Variants in ZNF184 observed in about 807,000 individuals in gnomAD.
ZNF184 encodes zinc finger protein 184.
ZNF184 carries 16 observed loss-of-function variants against 54.4 expected under a neutral mutation model. The observed-to-expected ratio is 0.29, with a 90% CI of 0.20 to 0.45. The LOEUF (loss-of-function observed/expected upper bound fraction) is 0.45. Among genes scored for constraint, ZNF184 ranks in the 20% least tolerant of loss-of-function variants. ZNF184 has a pLI of 1.00. For synonymous variants in ZNF184, 254 were observed against 295.3 expected, an observed-to-expected ratio of 0.86 and a Z score of 1.43; for missense variants, 681 against 888.2, an observed-to-expected ratio of 0.77 and a Z score of 2.97.
the ZNF184 span, among the ~76,000 whole-genome samples, chr6:27,417,022 T>A: frequency 6.6e-6 from 1 of 152,164 alleles, no homozygotes; most frequent in Non-Finnish European, 1.5e-5. Flanking sequence ...CTTTGTCTTC[T>A]CATTTGCCTA....
the ZNF184 span, among the ~76,000 whole-genome samples, chr6:27,424,266 T>C: frequency 6.6e-6 from 1 of 152,184 alleles, no homozygotes; most frequent in Admixed American, 6.5e-5. Context: ...TGTGATGACT[T>C]TTACAGCTCA....
chr6:27,460,293 T>G (rs577813679), intron 3 of ZNF184, among the ~76,000 whole-genome samples: 9 of 152,382 alleles, frequency 5.9e-5, no homozygotes, highest in African/African-American at 2.2e-4. Flanking sequence ...TTTTTATTGC[T>G]ATGTATTTAA....
At chr6:27,463,235 C>T (rs1270257162) in intron 3 of ZNF184, among the ~76,000 whole-genome samples, 1 of 149,518 alleles carries the variant, frequency 6.7e-6, no homozygotes, top group Non-Finnish European at 1.5e-5. Context: ...TGTAACAAAC[C>T]TGCACATTGT....
the ZNF184 span, among the ~76,000 whole-genome samples, chr6:27,422,247 C>A: frequency 3.4e-5 from 5 of 146,610 alleles, no homozygotes; most frequent in African/African-American, 7.6e-5. Flanking sequence ...ACCACACTGG[C>A]ACATACAGCA....
In ZNF184 at chr6:27,452,114, G is replaced by A; in HGVS notation, c.1445C>T (p.Ala482Val). 1.2e-6 allele frequency: 2 copies of A among 1,614,046 alleles called. No homozygotes were observed. The highest frequency in any genetic ancestry group is 1.6e-4 in the Middle Eastern group (1 of 6,062). ...AGTAAGGGATGAGCAGTAACTGAAGGCCTTTCCACATTCATTGCATTTGTA... is the reference window on the plus strand; with the variant it reads ...AGTAAGGGATGAGCAGTAACTGAAGACCTTTCCACATTCATTGCATTTGTA... ...KPYKCNECGK[A>V]FSYCSSLTQH... Residue 482 changes from alanine (A) to valine (V), a missense_variant, in exon 6 of 6, where the codon GCC (alanine) becomes GTC (valine). Coordinates refer to ENST00000683788, the MANE Select transcript of ZNF184 (RefSeq NM_001318891.2). The surrounding 1 kb of genome is among the most constrained non-coding windows in gnomAD (Gnocchi z 5.5).
rs199834268 is a variant in ZNF184, at chr6:27,452,224, G to C, written c.1335C>G (p.Pro445=). ...QHQKTHTGEK[P]YDCAECGKSF... is the part of the protein sequence containing the mutation. ...ATTTTCCACATTCTGCACAATCATA[G>C]GGTTTCTCCCCAGTATGAGTTTTTT... The change falls in exon 6 of 6, where the codon CCC becomes CCG. Residue 445 remains proline (P), a synonymous_variant. Coordinates refer to ENST00000683788, the MANE Select transcript of ZNF184 (RefSeq NM_001318891.2). This position sits in a 1 kb window ranked among gnomAD's most constrained non-coding sequence, Gnocchi z 5.5. 9.9e-6 allele frequency: 16 copies of C among 1,613,928 alleles called. No individual in the cohort carries two copies. The highest frequency in any genetic ancestry group is 1.1e-5 in the Non-Finnish European group (13 of 1,180,008).
Position 27,451,502 on chromosome 6 carries a change from G to C in ZNF184, c.2057C>G (p.Thr686Ser), listed in dbSNP as rs1405009139. 1 of 1,614,142 alleles carries C rather than the reference G, an allele frequency of 6.2e-7. No individual in the cohort carries two copies. Among genetic ancestry groups the C allele is most frequent in the South Asian group, 1.1e-5 (1 of 91,078 alleles). ...DKAFSRSTHL[T>S]EHQNTHTGEK... ...TCCAGTATGAGTATTCTGATGTTCA[G>C]TCAGATGAGTGCTCCGGCTAAAGGC... The change falls in exon 6 of 6, where the codon ACT becomes AGT. Residue 686 changes from threonine to serine, a missense_variant. Transcript: ENST00000683788.
chr6:27,440,717 G>A, the ZNF184 span, among the ~76,000 whole-genome samples: 1 of 152,090 alleles, frequency 6.6e-6, no homozygotes, highest in African/African-American at 2.4e-5. Context: ...AAAAGAGAAG[G>A]TGCAGGCCGG....
Position 27,453,368 on chromosome 6 carries a change from T to C in ZNF184, c.299-108A>G, listed in dbSNP as rs944081799. ...AAATAAATCTCTCAGAAAATTCTAA[T>C]GGTTTTCAAATATATAGCCATATTA... On this transcript the variant is annotated intron_variant, in intron 5 of 5. Transcript: ENST00000683788. The surrounding 1 kb of genome is among the most constrained non-coding windows in gnomAD (Gnocchi z 4.7). 14 of 1,189,830 alleles carry C rather than the reference T, an allele frequency of 1.2e-5. No individual in the cohort carries two copies. The South Asian group carries it at 2.3e-4, about 19-fold the overall frequency. 73.7% of individuals were successfully genotyped at this position (1,189,830 alleles called of 1,614,324 possible). A position where few individuals can be genotyped will look rare whatever the true frequency, so the allele number is the denominator to read the frequency against.
the ZNF184 span, among the ~76,000 whole-genome samples, chr6:27,437,436 AGGAAGT>A: frequency 1.3e-5 from 2 of 152,206 alleles, no homozygotes; most frequent in African/African-American, 4.8e-5. Context: ...TTCAATTACA[AGGAAGT>A]GTATCCTGTC....
At chr6:27,439,435 C>T in the ZNF184 span, among the ~76,000 whole-genome samples, 1 of 152,230 alleles carries the variant, frequency 6.6e-6, no homozygotes, top group Non-Finnish European at 1.5e-5. Flanking sequence ...AGCACATCCA[C>T]GACATTGTCT....
At chr6:27,447,194 C>A (rs1272283590), downstream of ZNF184, among the ~76,000 whole-genome samples, 1 of 151,932 alleles carries the variant, frequency 6.6e-6, no homozygotes, top group Non-Finnish European at 1.5e-5. Context: ...CATACCTTGA[C>A]TACAACCCAC....
intron 3 of ZNF184, among the ~76,000 whole-genome samples, chr6:27,459,000 T>C (rs990378083): frequency 6.6e-6 from 1 of 152,170 alleles, no homozygotes; most frequent in Non-Finnish European, 1.5e-5. Context: ...AAATATCGCA[T>C]GTTCTCATTC....
chr6:27,467,991 T>C, intron 2 of ZNF184, 71 bp from the exon 3 acceptor site: 1 of 1,228,368 alleles, frequency 8.1e-7, no homozygotes, highest in Non-Finnish European at 1.1e-6. Flanking sequence ...TAAATTCCAT[T>C]TACTCTTCTA....
the ZNF184 span, among the ~76,000 whole-genome samples, chr6:27,416,036 G>A: frequency 6.6e-6 from 1 of 152,056 alleles, no homozygotes; most frequent in Non-Finnish European, 1.5e-5. Flanking sequence ...CATTCTCCCC[G>A]TATCTTCACA....
At chr6:27,407,318 C>A in the ZNF184 span, among the ~76,000 whole-genome samples, 9 of 152,214 alleles carry the variant, frequency 5.9e-5, no homozygotes, top group Admixed American at 2.0e-4. Context: ...CACCCTGTCT[C>A]GGCTGCTTGA....
downstream of ZNF184, among the ~76,000 whole-genome samples, chr6:27,448,321 G>A (rs1406596791): frequency 6.6e-6 from 1 of 152,112 alleles, no homozygotes; most frequent in Admixed American, 6.5e-5. Flanking sequence ...ACTTCCCATC[G>A]TTTTGTCAAC....
chr6:27,409,371 C>T, the ZNF184 span, among the ~76,000 whole-genome samples: 4 of 151,552 alleles, frequency 2.6e-5, no homozygotes, highest in East Asian at 3.9e-4. Flanking sequence ...TGGTGGCGGG[C>T]GCCTGTAGAC....
intron 3 of ZNF184, among the ~76,000 whole-genome samples, chr6:27,465,818 A>G (rs945606253): frequency 3.3e-5 from 5 of 151,988 alleles, no homozygotes; most frequent in African/African-American, 1.2e-4. Context: ...CCCTTTCAGA[A>G]TAACTGATAA....
Sources: gnomAD v4.1 joint callset for allele counts (sites outside exome capture counted in the v4.1 genomes callset) on GRCh38, gnomAD v4.1.1 for gene constraint, Gnocchi (gnomAD v3.1) non-coding constraint, MANE v1.5 for transcripts, NCBI Gene and HGNC (gene_info 2026-07-23, HGNC 2026-07-21) for gene names.